Variants in SYBU observed in about 807,000 individuals in gnomAD.
SYBU encodes syntabulin.
SYBU carries 21 observed loss-of-function variants against 35.9 expected under a neutral mutation model. That is an observed-to-expected ratio of 0.58 (90% confidence interval 0.41 to 0.84). The LOEUF is 0.84. Among genes scored for constraint, SYBU ranks in the 40% least tolerant of loss-of-function variants. The probability of loss-of-function intolerance (pLI) is 0.00; values close to 1 mark genes in which losing one functional copy is unlikely to be tolerated. For synonymous variants in SYBU, 319 were observed against 324.3 expected, an observed-to-expected ratio of 0.98 and a Z score of 0.18; for missense variants, 768 against 848.2, an observed-to-expected ratio of 0.91 and a Z score of 1.17.
At chr8:109,594,196 C>A (rs1041397144) in intron 3 of SYBU, among the ~76,000 whole-genome samples, 1 of 151,958 alleles carries the variant, frequency 6.6e-6, no homozygotes, top group Non-Finnish European at 1.5e-5. Flanking sequence ...TTGCAGGAGG[C>A]ATTCATAGGG....
At chr8:109,625,136 T>TA (rs59065071) in intron 2 of SYBU, among the ~76,000 whole-genome samples, 12,332 of 144,936 alleles carry the variant, frequency 0.085, 651 homozygotes, top group South Asian at 0.24. Flanking sequence ...GTGCTTTTTT[T>TA]AAAAAAAAAA....
At chr8:109,601,134 T>C (rs1365636444) in intron 3 of SYBU, among the ~76,000 whole-genome samples, 1 of 152,182 alleles carries the variant, frequency 6.6e-6, no homozygotes, top group Non-Finnish European at 1.5e-5. Context: ...CAGATAATAA[T>C]GCCACTAGCC....
chr8:109,596,262 G>T (rs1311096143), intron 3 of SYBU, among the ~76,000 whole-genome samples: 1 of 152,218 alleles, frequency 6.6e-6, no homozygotes, highest in African/African-American at 2.4e-5. Flanking sequence ...CAGATACAAA[G>T]AACTGGATTA....
rs1456787447 is a variant in SYBU, at chr8:109,674,334, C to A, written c.-129+6377G>T. Among the ~76,000 whole-genome samples, 8 of 152,074 alleles carry A rather than the reference C, an allele frequency of 5.3e-5. No individual in the cohort carries two copies. In the East Asian group the frequency reaches 1.5e-3, roughly 29 times the overall value. On this transcript the variant is annotated intron_variant, in intron 1 of 5. Coordinates refer to the SYBU transcript ENST00000408889. ...GAAGCCCATCAGACTAACAGCGGAT[C>A]TCTCTGCAGAAACCCTACAAGCCAG...
chr8:109,578,112 T>G, intron 5 of SYBU, 95 bp from the exon 6 acceptor site: 1 of 1,353,572 alleles, frequency 7.4e-7, no homozygotes, highest in Non-Finnish European at 1.0e-6. Context: ...AATGTCTGTG[T>G]CCCTCCAGAA....
rs1349319934 is a variant in SYBU at position 109,642,876 on chromosome 8, C to T, written c.81G>A (p.Arg27=). The T allele has an allele frequency of 1.3e-6, 2 of 1,595,580 alleles. No homozygotes were observed. Among genetic ancestry groups the T allele is most frequent in the Admixed American group, 1.7e-5 (1 of 57,192 alleles). ...GGGGCATATGGGGCCGAAGAATCAA[C>T]CGGGGAATTCGGCTTCGAGAAATCT... The part of the protein sequence containing the change: ...DKEISRSRIP[R]LILRPHMPQQ... The change falls in exon 2 of 7, where the codon CGG becomes CGA. Residue 27 remains arginine, a synonymous_variant. Transcript: ENST00000276646.
chr8:109,678,825 A>C (rs1464406948), intron 1 of SYBU, among the ~76,000 whole-genome samples: 3 of 152,110 alleles, frequency 2.0e-5, no homozygotes, highest in Non-Finnish European at 2.9e-5. Flanking sequence ...TTACAAGAAG[A>C]CCTTTAAAAA....
chr8:109,586,528 A>C, intron 3 of SYBU: 1 of 188,224 alleles, frequency 5.3e-6, no homozygotes, highest in East Asian at 1.4e-4. Flanking sequence ...AAAATAAAAT[A>C]CTTATCAGTC....
chr8:109,681,053 A>G (rs1292854381), upstream of SYBU: 1 of 152,258 alleles, frequency 6.6e-6, no homozygotes, highest in Non-Finnish European at 1.5e-5. Flanking sequence ...TAGTAAAACG[A>G]GCAACACGAT....
At chr8:109,576,074 T>C in intron 6 of SYBU, 61 bp from the exon 7 acceptor site, 1 of 1,319,632 alleles carries the variant, frequency 7.6e-7, no homozygotes, top group Non-Finnish European at 1.0e-6. Flanking sequence ...AAAAAAACTT[T>C]CAACTGGGCA....
At chr8:109,689,849 A>C (rs911633737) in intron 1 of SYBU, among the ~76,000 whole-genome samples, 11 of 151,568 alleles carry the variant, frequency 7.3e-5, no homozygotes, top group East Asian at 1.9e-4. Flanking sequence ...AAAAAAAAAA[A>C]AAAAAACCAT....
chr8:109,602,653 G>A (rs554479593), intron 3 of SYBU, among the ~76,000 whole-genome samples: 4 of 151,952 alleles, frequency 2.6e-5, no homozygotes, highest in Admixed American at 1.3e-4. Flanking sequence ...GGCTGGTCTC[G>A]AACTCCTGAC....
At chr8:109,658,312 C>T (rs1249131065) in intron 1 of SYBU, among the ~76,000 whole-genome samples, 2 of 152,156 alleles carry the variant, frequency 1.3e-5, no homozygotes, top group African/African-American at 2.4e-5. Context: ...AGGGTTTTGC[C>T]TGTCCTATTT....
intron 1 of SYBU, chr8:109,643,574 C>G (rs1267389069): frequency 2.0e-5 from 3 of 153,446 alleles, no homozygotes; most frequent in African/African-American, 7.2e-5. Context: ...TTTACATCAT[C>G]TTTAATTTTT....
intron 3 of SYBU, among the ~76,000 whole-genome samples, chr8:109,594,788 T>C (rs918353015): frequency 6.6e-6 from 1 of 152,188 alleles, no homozygotes; most frequent in African/African-American, 2.4e-5. Flanking sequence ...GACACTGGAC[T>C]CAACCATGCT....
intron 1 of SYBU, among the ~76,000 whole-genome samples, chr8:109,688,618 C>T (rs1280501294): frequency 6.6e-6 from 1 of 152,046 alleles, no homozygotes; most frequent in Admixed American, 6.6e-5. Flanking sequence ...AGTGAGGTAT[C>T]TTTATGAACA....
intron 1 of SYBU, chr8:109,643,209 C>T (rs1428127916): frequency 8.9e-7 from 1 of 1,117,640 alleles, no homozygotes; most frequent in South Asian, 4.4e-5. Context: ...GAAGGCCATC[C>T]TACTTCCCTA....
intron 1 of SYBU, among the ~76,000 whole-genome samples, chr8:109,651,362 C>T (rs1475550083): frequency 6.6e-6 from 1 of 151,830 alleles, no homozygotes; most frequent in Non-Finnish European, 1.5e-5. Context: ...AAATGAGTTT[C>T]CCAAGTCTGG....
At chr8:109,608,951 C>T (rs1042718101) in intron 3 of SYBU, among the ~76,000 whole-genome samples, 1 of 152,164 alleles carries the variant, frequency 6.6e-6, no homozygotes, top group Non-Finnish European at 1.5e-5. Flanking sequence ...ATATCTAACA[C>T]CTTTCATGAT....
Sources: allele counts gnomAD v4.1 joint callset (sites outside exome capture counted in the v4.1 genomes callset), GRCh38; gene constraint gnomAD v4.1.1; transcripts MANE v1.5; gene names NCBI Gene and HGNC (gene_info 2026-07-23, HGNC 2026-07-21).